Variants in SLC7A8 observed in about 807,000 individuals in gnomAD.
SLC7A8 encodes the protein solute carrier family 7 member 8, also known as large neutral amino acids transporter small subunit 2.
In SLC7A8, 30 loss-of-function variants were observed where a neutral mutation model predicts 51.2. The ratio of observed to expected loss-of-function variants is 0.59; its 90% CI spans 0.44 to 0.80. SLC7A8 has a LOEUF of 0.80. Among genes scored for constraint, SLC7A8 ranks in the 30% least tolerant of loss-of-function variants. The pLI is 0.00. For synonymous variants in SLC7A8, 257 were observed against 275.8 expected (o/e 0.93, Z 0.67); for missense variants, 612 against 674.4 (o/e 0.91, Z 1.03).
intron 1 of SLC7A8, among the ~76,000 whole-genome samples, chr14:23,172,098 C>A (rs1391310544): frequency 6.6e-6 from 1 of 152,196 alleles, no homozygotes; most frequent in African/African-American, 2.4e-5. Flanking sequence ...TCCTGCCCTG[C>A]CTACCTCAAC....
In SLC7A8 at chr14:23,128,082, C is replaced by T. The variant is rs771740233; in HGVS notation, c.1378G>A (p.Val460Met). 17 of 1,614,190 alleles carry T rather than the reference C, an allele frequency of 1.1e-5. No individual in the cohort carries two copies. The East Asian group carries it at 2.9e-4, about 27-fold the overall frequency. The stretch of plus-strand genomic sequence containing the variant: ...TAAACACCCAGGAAATAGACAGGCA[C>T]TCCTGTCAGCATGATGGCCAGGCCA... The part of the protein sequence containing the change: ...GIGLAIMLTG[V>M]PVYFLGVYWQ... Residue 460 changes from valine to methionine, a missense_variant, in exon 10 of 11, where the codon GTG becomes ATG. Physicochemically the swap from Val to Met is conservative, Grantham distance 21. Transcript: ENST00000316902. The surrounding 1 kb of genome is among the most constrained non-coding windows in gnomAD (Gnocchi z 4.3).
chr14:23,154,206 A>G, intron 3 of SLC7A8: 2 of 993,764 alleles, frequency 2.0e-6, no homozygotes, highest in Non-Finnish European at 2.4e-6. Flanking sequence ...CTGAAACGCC[A>G]TAAATTTCAC....
intron 1 of SLC7A8, among the ~76,000 whole-genome samples, chr14:23,175,644 AC>A (rs1489522703): frequency 6.6e-6 from 1 of 152,120 alleles, no homozygotes; most frequent in Non-Finnish European, 1.5e-5. Context: ...ATTCTGCGTA[AC>A]TCTGCTCTTT....
At chr14:23,131,839 C>T (rs980592322) in intron 7 of SLC7A8, among the ~76,000 whole-genome samples, 1 of 152,210 alleles carries the variant, frequency 6.6e-6, no homozygotes, top group Non-Finnish European at 1.5e-5. Context: ...TGTACTGTCA[C>T]TCAGTGGGGT....
chr14:23,138,538 A>G lies in SLC7A8; in HGVS notation c.913-514T>C, dbSNP rs370560585. 3.4e-4 allele frequency among the ~76,000 whole-genome samples: 52 copies of G among 152,302 alleles called. 2 individuals carry two copies. In the East Asian group the frequency reaches 9.3e-3, roughly 27 times the overall value. ...TATGATTTTTGAGCCTCTGTCTCCA[A>G]CTGCAAAATAGGGATTAATCCAGAA... is the stretch of plus-strand genomic sequence containing the variant. On this transcript the variant is annotated intron_variant, in intron 6 of 10. Transcript: ENST00000316902.
chr14:23,180,097 GA>G (rs1249043773), intron 1 of SLC7A8, among the ~76,000 whole-genome samples: 17 of 152,110 alleles, frequency 1.1e-4, no homozygotes, highest in East Asian at 7.7e-4. Flanking sequence ...TAGTAGAGAC[GA>G]GGTTTCACCG....
rs1062956 is a variant in SLC7A8, at chr14:23,129,711, A to G, written c.1202T>C (p.Val401Ala). The change falls in exon 9 of 11, where the codon GTC (valine) becomes GCC (alanine). Residue 401 changes from valine (V) to alanine (A), a missense_variant. Physicochemically the swap from Val to Ala is moderately conservative, Grantham distance 64 (BLOSUM62 0). Transcript: ENST00000316902. ...AAGGACTATCTGTCCAGCAACCGTG[A>G]CCCCATAGAAGAGGTAGTTGATGAA... The part of the protein sequence containing the change: ...VGFINYLFYG[V>A]TVAGQIVLRW... The G allele has an allele frequency of 5.0e-6, 8 of 1,614,092 alleles. No individual in the cohort carries two copies. The highest frequency in any genetic ancestry group is 6.8e-6 in the Non-Finnish European group (8 of 1,180,040).
At chr14:23,137,578 AAGAT>A (rs1166731463) in intron 7 of SLC7A8, among the ~76,000 whole-genome samples, 1 of 152,198 alleles carries the variant, frequency 6.6e-6, no homozygotes, top group Admixed American at 6.5e-5. Flanking sequence ...GACTGCAGCC[AAGAT>A]ACTGCCTTGC....
At chr14:23,163,701 A>G (rs2048935507) in intron 3 of SLC7A8, among the ~76,000 whole-genome samples, 1 of 152,228 alleles carries the variant, frequency 6.6e-6, no homozygotes, top group Admixed American at 6.5e-5. Context: ...TATGTGTGTT[A>G]GAAGCTATGG....
At chr14:23,155,720 G>A (rs10146960) in intron 3 of SLC7A8, among the ~76,000 whole-genome samples, 1 of 151,760 alleles carries the variant, frequency 6.6e-6, no homozygotes, top group Non-Finnish European at 1.5e-5. Flanking sequence ...GATGTCCCCC[G>A]AGACATGGAG....
chr14:23,138,256 T>G (rs1447291323), intron 6 of SLC7A8: 1 of 516,576 alleles, frequency 1.9e-6, no homozygotes, highest in Non-Finnish European at 3.5e-6. Flanking sequence ...ATAATAATAA[T>G]GAACTAACAC....
At chr14:23,139,111 G>A (rs941556729) in intron 6 of SLC7A8, among the ~76,000 whole-genome samples, 4 of 152,204 alleles carry the variant, frequency 2.6e-5, no homozygotes, top group Non-Finnish European at 5.9e-5. Context: ...TTAAGTGCCC[G>A]AGACTAGGAG....
chr14:23,167,703 G>T (rs1401713520), intron 1 of SLC7A8, among the ~76,000 whole-genome samples: 2 of 152,122 alleles, frequency 1.3e-5, no homozygotes, highest in Non-Finnish European at 2.9e-5. Flanking sequence ...TTCATGCTCT[G>T]CCCAGCTGCA....
At chr14:23,142,991 G>GT (rs2048758773) in intron 4 of SLC7A8, 88 bp downstream of exon 4, 14 of 1,508,284 alleles carry the variant, frequency 9.3e-6, no homozygotes, top group African/African-American at 1.4e-5. Context: ...ATCTCAGGGT[G>GT]TGGCATACTT....
intron 3 of SLC7A8, among the ~76,000 whole-genome samples, chr14:23,145,322 T>C (rs2048783218): frequency 6.6e-6 from 1 of 150,494 alleles, no homozygotes; most frequent in African/African-American, 2.4e-5. Flanking sequence ...AGGTCAGGAG[T>C]TCGAGACCAG....
At chr14:23,145,808 A>T (rs1409296419) in intron 3 of SLC7A8, among the ~76,000 whole-genome samples, 1 of 152,160 alleles carries the variant, frequency 6.6e-6, no homozygotes, top group Non-Finnish European at 1.5e-5. Flanking sequence ...GGCAACAGGG[A>T]ACTTGACTTC....
chr14:23,154,663 C>CA (rs1410458593), intron 3 of SLC7A8, among the ~76,000 whole-genome samples: 1 of 152,186 alleles, frequency 6.6e-6, no homozygotes, highest in Non-Finnish European at 1.5e-5. Context: ...CTAACGCACA[C>CA]AACCCAAGGC....
chr14:23,177,133 T>C (rs945571045), intron 1 of SLC7A8, among the ~76,000 whole-genome samples: 1 of 152,250 alleles, frequency 6.6e-6, no homozygotes, highest in Non-Finnish European at 1.5e-5. Context: ...TTATATACTT[T>C]TTAATTTTAT....
At chr14:23,180,031 G>A (rs535818131) in intron 1 of SLC7A8, among the ~76,000 whole-genome samples, 10 of 151,198 alleles carry the variant, frequency 6.6e-5, no homozygotes, top group African/African-American at 2.2e-4. Flanking sequence ...TCAGCCTCAC[G>A]AGTAGCTGGG....
Sources: allele counts gnomAD v4.1 joint callset (sites outside exome capture counted in the v4.1 genomes callset), GRCh38; gene constraint gnomAD v4.1.1; non-coding constraint Gnocchi (gnomAD v3.1); transcripts MANE v1.5; gene names NCBI Gene and HGNC (gene_info 2026-07-23, HGNC 2026-07-21).